The following NRXN1 variants were observed in gnomAD, a reference collection of about 807,000 sequenced individuals.
NRXN1 encodes the protein neurexin 1.
NRXN1 carries 39 observed loss-of-function variants against 150.9 expected under a neutral mutation model. That is an observed-to-expected ratio of 0.26 (90% CI 0.20 to 0.34). The LOEUF is 0.34. Among genes scored for constraint, NRXN1 ranks in the 10% least tolerant of loss-of-function variants. The pLI, the probability that NRXN1 is intolerant of heterozygous loss-of-function variation, is 1.00. For missense variants in NRXN1, 1,815 were observed against 1,949.9 expected (o/e 0.93, Z 1.30); for synonymous variants, 924 against 757.0 (o/e 1.22, Z -3.62).
intron 8 of NRXN1, among the ~76,000 whole-genome samples, chr2:50,574,712 T>C (rs17040846): frequency 0.089 from 13,595 of 152,226 alleles, 1,139 homozygotes; most frequent in African/African-American, 0.22. Context: ...CCCTATGCTG[T>C]CAGGATTTGC....
chr2:50,829,119 C>T (rs1031178042), intron 5 of NRXN1, among the ~76,000 whole-genome samples: 1 of 148,510 alleles, frequency 6.7e-6, no homozygotes, highest in East Asian at 2.0e-4. Flanking sequence ...ATCGCAGGCA[C>T]TCGGCAGGCT....
At chr2:50,352,776 T>TAATATAATAATA (rs1478736717) in intron 17 of NRXN1, among the ~76,000 whole-genome samples, 5,372 of 83,824 alleles carry the variant, frequency 0.064, 129 homozygotes, top group African/African-American at 0.076. Context: ...ATAATAATAA[T>TAATATAATAATA]ATTATAATAA....
At position 50,579,564 on chromosome 2, in the gene NRXN1, G is replaced by A. The variant is rs115419055; in HGVS notation, c.1321-26539C>T. Among the ~76,000 whole-genome samples the A allele has an allele frequency of 7.3e-3, 1,112 of 152,278 alleles. 3 individuals are homozygous for A. The highest frequency in any genetic ancestry group is 0.01 in the Non-Finnish European group (709 of 68,010). ...TTTGGGAACCTGAGGTGGGAGGATC[G>A]CTTAACTCTGGGAGATTGAGGCTAT... On this transcript the variant is annotated intron_variant, in intron 8 of 22. Coordinates refer to ENST00000401669, the MANE Select transcript of NRXN1 (RefSeq NM_001330078.2).
At chr2:50,932,231 G>C (rs891718872) in intron 2 of NRXN1, among the ~76,000 whole-genome samples, 12 of 151,796 alleles carry the variant, frequency 7.9e-5, no homozygotes, top group African/African-American at 2.9e-4. Flanking sequence ...CTACTACAAA[G>C]ACAAAAATTG....
chr2:50,114,346 A>G (rs903362396), intron 18 of NRXN1, among the ~76,000 whole-genome samples: 3 of 152,174 alleles, frequency 2.0e-5, no homozygotes, highest in Non-Finnish European at 4.4e-5. Flanking sequence ...AAAACCTGGG[A>G]CACTGACAAC....
intron 5 of NRXN1, among the ~76,000 whole-genome samples, chr2:50,637,319 C>G (rs1041120544): frequency 6.6e-6 from 1 of 152,028 alleles, no homozygotes; most frequent in African/African-American, 2.4e-5. Flanking sequence ...ATTTTTCATC[C>G]CAGATTCCCT....
At chr2:50,399,789 T>TAAAAAAAAAAAAAAAAA (rs562980355) in intron 17 of NRXN1, among the ~76,000 whole-genome samples, 5 of 60,518 alleles carry the variant, frequency 8.3e-5, no homozygotes, top group Non-Finnish European at 9.1e-5. Flanking sequence ...AGAGAACTGG[T>TAAAAAAAAAAAAAAAAA]AAAAAAAAAA....
intron 5 of NRXN1, among the ~76,000 whole-genome samples, chr2:50,641,538 C>T (rs1684076493): frequency 6.6e-6 from 1 of 151,996 alleles, no homozygotes; most frequent in Non-Finnish European, 1.5e-5. Flanking sequence ...TTATATTTGG[C>T]ATACAACCGA....
chr2:50,094,382 T>C (rs1461012300), intron 18 of NRXN1, among the ~76,000 whole-genome samples: 3 of 152,194 alleles, frequency 2.0e-5, no homozygotes, highest in Non-Finnish European at 4.4e-5. Context: ...ACAGTTGAGA[T>C]GTGATGTGAT....
intron 17 of NRXN1, among the ~76,000 whole-genome samples, chr2:50,433,831 G>A (rs756149918): frequency 2.0e-5 from 3 of 152,022 alleles, no homozygotes; most frequent in Non-Finnish European, 4.4e-5. Flanking sequence ...GAGGTCAGTA[G>A]CCTGATACTG....
chr2:50,507,726 AT>A (rs1362688145), intron 12 of NRXN1, among the ~76,000 whole-genome samples: 2 of 151,784 alleles, frequency 1.3e-5, no homozygotes, highest in African/African-American at 4.8e-5. Flanking sequence ...CTAATCTGAC[AT>A]TATGAGTCAT....
At chr2:50,658,276 G>A (rs1202425322) in intron 5 of NRXN1, among the ~76,000 whole-genome samples, 3 of 151,822 alleles carry the variant, frequency 2.0e-5, no homozygotes, top group Non-Finnish European at 2.9e-5. Context: ...AAAGCAGGTG[G>A]GTGTATCTTT....
At chr2:50,025,865 G>A (rs952166487) in intron 21 of NRXN1, among the ~76,000 whole-genome samples, 7 of 152,118 alleles carry the variant, frequency 4.6e-5, no homozygotes, top group East Asian at 1.9e-4. Flanking sequence ...CTAGTACCAC[G>A]TCAAGTCTTA....
At chr2:49,982,159 GTC>G (rs2152509042) in intron 21 of NRXN1, among the ~76,000 whole-genome samples, 1 of 152,104 alleles carries the variant, frequency 6.6e-6, no homozygotes, top group Non-Finnish European at 1.5e-5. Context: ...TAAACACAAT[GTC>G]TTTCATTTGG....
chr2:50,934,111 A>G (rs1286724126), intron 2 of NRXN1, among the ~76,000 whole-genome samples: 2 of 152,072 alleles, frequency 1.3e-5, no homozygotes, highest in Non-Finnish European at 2.9e-5. Flanking sequence ...TCCTCCCTAA[A>G]CATCAGTACC....
intron 18 of NRXN1, among the ~76,000 whole-genome samples, chr2:50,225,087 C>CCTCT (rs1383524714): frequency 6.6e-6 from 1 of 151,940 alleles, no homozygotes; most frequent in Non-Finnish European, 1.5e-5. Context: ...AGTCCTCAGG[C>CCTCT]CTCTGACTTT....
chr2:50,002,545 A>G (rs189952690), intron 21 of NRXN1, among the ~76,000 whole-genome samples: 56 of 152,290 alleles, frequency 3.7e-4, no homozygotes, highest in Non-Finnish European at 6.6e-4. Flanking sequence ...TAGCAAAACA[A>G]TATGAACTAG....
chr2:50,260,784 A>C (rs898018119), intron 17 of NRXN1, among the ~76,000 whole-genome samples: 2 of 151,664 alleles, frequency 1.3e-5, no homozygotes, highest in Non-Finnish European at 3.0e-5. Flanking sequence ...ATAGCAGCTT[A>C]AGCCATATAT....
chr2:50,356,534 C>G (rs181104528), intron 17 of NRXN1, among the ~76,000 whole-genome samples: 75 of 152,268 alleles, frequency 4.9e-4, no homozygotes, highest in Admixed American at 1.1e-3. Flanking sequence ...CACATTTTCT[C>G]TGTTCTATTG....
Sources: gnomAD v4.1 joint callset for allele counts (sites outside exome capture counted in the v4.1 genomes callset) on GRCh38, gnomAD v4.1.1 for gene constraint, MANE v1.5 for transcripts, NCBI Gene and HGNC (gene_info 2026-07-23, HGNC 2026-07-21) for gene names.